PVT1: variants seen among roughly 807,000 people sequenced by gnomAD.
The protein encoded by PVT1 is CXCR4/PVT1 fusion.
In PVT1 at chr8:127,938,527, A is replaced by G. The variant is rs150101497; in HGVS notation, n.782+47529A>G. On this transcript the variant is annotated intron_variant and non_coding_transcript_variant, in intron 3 of 10. Coordinates refer to ENST00000651587, the Ensembl canonical transcript of PVT1. ...GGCTGTATCCTGTGGCTTCAAAAAT[A>G]TATGTATTTGAAAGCTTCTAGCAAA... Among the ~76,000 whole-genome samples the G allele has an allele frequency of 1.6e-3, 250 of 152,330 alleles. 5 individuals are homozygous for G. The highest frequency in any genetic ancestry group is 0.014 in the South Asian group (67 of 4,828).
At chr8:128,059,350 C>T (rs952050844) in intron 4 of PVT1, among the ~76,000 whole-genome samples, 8 of 152,146 alleles carry the variant, frequency 5.3e-5, no homozygotes, top group Non-Finnish European at 1.0e-4. Context: ...ACACTGTTTA[C>T]GTGTCCACCA....
At chr8:127,879,863 A>G (rs2129784051) in intron 2 of PVT1, among the ~76,000 whole-genome samples, 1 of 152,236 alleles carries the variant, frequency 6.6e-6, no homozygotes, top group East Asian at 1.9e-4. Flanking sequence ...CATTGTGCCC[A>G]GCGCACCCTT....
chr8:127,926,291 C>T (rs1444297934), intron 3 of PVT1, among the ~76,000 whole-genome samples: 1 of 152,164 alleles, frequency 6.6e-6, no homozygotes, highest in East Asian at 1.9e-4. Flanking sequence ...TCGCACAGTC[C>T]CTCCGTTGTG....
intron 3 of PVT1, among the ~76,000 whole-genome samples, chr8:127,911,456 G>A (rs1297067091): frequency 6.6e-6 from 1 of 152,230 alleles, no homozygotes; most frequent in East Asian, 1.9e-4. Context: ...GGCTCTTCAG[G>A]GCCAGGCCCC....
In PVT1 at chr8:127,881,764, A is replaced by G. The variant is rs1293747985; in HGVS notation, n.373-8825A>G. ...GAGCCACCACACCCGGCCTATTATT[A>G]TTATTTTTTGAGACAGGGTCTTACT... On this transcript the variant is annotated intron_variant and non_coding_transcript_variant, in intron 2 of 10. Transcript: ENST00000651587. 2.0e-5 allele frequency among the ~76,000 whole-genome samples: 3 copies of G among 151,594 alleles called. No individual in the cohort carries two copies. In the South Asian group the frequency reaches 6.3e-4, roughly 32 times the overall value.
chr8:127,805,638 T>A (rs1420128681), intron 2 of PVT1, among the ~76,000 whole-genome samples: 1 of 152,126 alleles, frequency 6.6e-6, no homozygotes, highest in African/African-American at 2.4e-5. Flanking sequence ...ATTTGTGGAA[T>A]GCCTGTGGTG....
intron 3 of PVT1, among the ~76,000 whole-genome samples, chr8:127,919,383 T>TCTTAA (rs1816029753): frequency 1.3e-5 from 2 of 152,222 alleles, no homozygotes; most frequent in Admixed American, 6.5e-5. Flanking sequence ...CATTTCCTCT[T>TCTTAA]CTTAACCCTC....
chr8:127,843,281 G>T (rs539780859), intron 2 of PVT1, among the ~76,000 whole-genome samples: 1 of 152,286 alleles, frequency 6.6e-6, no homozygotes, highest in East Asian at 1.9e-4. Flanking sequence ...GGAGGTGGAG[G>T]TTGCGGTGAG....
In PVT1 at chr8:128,004,768, C is replaced by T. The variant is rs868398858; in HGVS notation, n.912+15477C>T. On this transcript the variant is annotated intron_variant and non_coding_transcript_variant, in intron 4 of 10. Coordinates refer to ENST00000651587, the Ensembl canonical transcript of PVT1. The stretch of plus-strand genomic sequence containing the variant: ...TACTTTCCCTCTCTGATTTTCCAGT[C>T]TTTGTTACCTGTAAATGTAACAATG... Among the ~76,000 whole-genome samples the T allele has an allele frequency of 3.9e-5, 6 of 152,212 alleles. No individual in the cohort carries two copies. In the South Asian group the frequency reaches 6.2e-4, roughly 16 times the overall value.
At chr8:128,006,791 C>T (rs1265566435) in intron 4 of PVT1, among the ~76,000 whole-genome samples, 1 of 152,130 alleles carries the variant, frequency 6.6e-6, no homozygotes, top group Non-Finnish European at 1.5e-5. Context: ...TAACCCATGA[C>T]TATAATACAT....
intron 3 of PVT1, among the ~76,000 whole-genome samples, chr8:127,917,941 A>G (rs1284477073): frequency 1.3e-5 from 2 of 152,130 alleles, no homozygotes; most frequent in Non-Finnish European, 2.9e-5. Context: ...CCTGTCCCCC[A>G]CAAGGAGATT....
chr8:127,962,666 G>A (rs551223524), intron 3 of PVT1, among the ~76,000 whole-genome samples: 6 of 151,984 alleles, frequency 3.9e-5, no homozygotes, highest in South Asian at 2.1e-4. Context: ...GTGCTATCTC[G>A]GCTCACTGCA....
intron 3 of PVT1, among the ~76,000 whole-genome samples, chr8:127,970,546 G>T (rs570611147): frequency 1.3e-5 from 2 of 151,938 alleles, no homozygotes; most frequent in African/African-American, 4.8e-5. Flanking sequence ...TGATCCGCCC[G>T]CCTCGGCCTC....
Position 127,893,511 on chromosome 8 carries a change from A to T in PVT1, n.782+2513A>T, listed in dbSNP as rs139390274. On this transcript the variant is annotated intron_variant and non_coding_transcript_variant, in intron 3 of 10. Coordinates refer to ENST00000651587, the Ensembl canonical transcript of PVT1. The stretch of plus-strand genomic sequence containing the variant: ...ATCTGCCTGCCTCGGCCTCCTAAAG[A>T]GCTGCGATTACAAGCGTGACCCACC... 3.3e-4 allele frequency among the ~76,000 whole-genome samples: 50 copies of T among 152,174 alleles called. No homozygotes were observed. In the East Asian group the frequency reaches 9.1e-3, roughly 28 times the overall value.
At chr8:128,091,777 G>C (rs1189714150) in intron 5 of PVT1, among the ~76,000 whole-genome samples, 1 of 152,170 alleles carries the variant, frequency 6.6e-6, no homozygotes, top group Non-Finnish European at 1.5e-5. Flanking sequence ...AAAGTTGTGA[G>C]GATGGTAAAA....
At chr8:127,925,284 A>G (rs1244845715) in intron 3 of PVT1, among the ~76,000 whole-genome samples, 1 of 152,234 alleles carries the variant, frequency 6.6e-6, no homozygotes, top group Non-Finnish European at 1.5e-5. Context: ...CTGTTGATGA[A>G]CATTTGGGGA....
chr8:128,064,620 T>G (rs893634066), intron 4 of PVT1, among the ~76,000 whole-genome samples: 2 of 152,198 alleles, frequency 1.3e-5, no homozygotes, highest in Non-Finnish European at 2.9e-5. Flanking sequence ...TTACCGAACA[T>G]CTGAGAGAGT....
At chr8:127,991,262 C>A (rs547066901) in intron 4 of PVT1, among the ~76,000 whole-genome samples, 1 of 151,678 alleles carries the variant, frequency 6.6e-6, no homozygotes, top group Non-Finnish European at 1.5e-5. Flanking sequence ...CCTGCCTCAG[C>A]CTCTTGAGTA....
intron 2 of PVT1, among the ~76,000 whole-genome samples, chr8:127,844,185 C>T (rs979036584): frequency 8.6e-5 from 13 of 151,924 alleles, no homozygotes; most frequent in African/African-American, 3.1e-4. Flanking sequence ...GGGGTTTCAC[C>T]GTGTTAGCCA....
Sources: gnomAD v4.1 joint callset for allele counts (sites outside exome capture counted in the v4.1 genomes callset) on GRCh38, gnomAD v4.1.1 for gene constraint, MANE v1.5 for transcripts, NCBI Gene and HGNC (gene_info 2026-07-23, HGNC 2026-07-21) for gene names.